The following OSBPL9 variants were observed in gnomAD, a reference collection of about 807,000 sequenced individuals.
OSBPL9 encodes oxysterol-binding protein-related protein 9.
Under a neutral mutation model 106.6 loss-of-function variants are expected in OSBPL9, and 40 were observed. The ratio of observed to expected loss-of-function variants is 0.38; its 90% CI spans 0.29 to 0.49. The LOEUF (loss-of-function observed/expected upper bound fraction) is 0.49. Ranked by LOEUF, OSBPL9 falls within the 20% of genes least tolerant of loss-of-function variation. OSBPL9 has a pLI of 0.97. For missense variants in OSBPL9, 609 were observed against 887.2 expected (o/e 0.69, Z 3.98); for synonymous variants, 269 against 295.4 (o/e 0.91, Z 0.92).
At chr1:51,651,331 G>A (rs920502505) in intron 1 of OSBPL9, among the ~76,000 whole-genome samples, 2 of 152,026 alleles carry the variant, frequency 1.3e-5, no homozygotes, top group South Asian at 2.1e-4. Flanking sequence ...AGCTGGGTGC[G>A]GTGACTCACG....
intron 3 of OSBPL9, among the ~76,000 whole-genome samples, chr1:51,693,467 A>C (rs1016624610): frequency 1.3e-5 from 2 of 152,122 alleles, no homozygotes; most frequent in Admixed American, 6.5e-5. Flanking sequence ...TGAGCGAGGG[A>C]AGGGAAAAAA....
chr1:51,525,885 T>G, the OSBPL9 span, among the ~76,000 whole-genome samples: 1 of 152,214 alleles, frequency 6.6e-6, no homozygotes, highest in South Asian at 2.1e-4. Context: ...TGATTTTTTT[T>G]GTTCTTTTTG....
chr1:51,595,469 C>T (rs987355475), intron 1 of OSBPL9, among the ~76,000 whole-genome samples: 1 of 152,088 alleles, frequency 6.6e-6, no homozygotes, highest in African/African-American at 2.4e-5. Flanking sequence ...CCTGAGGGGG[C>T]CCAGAAGAGG....
At chr1:51,636,078 G>GTA (rs953892202) in intron 1 of OSBPL9, among the ~76,000 whole-genome samples, 1 of 135,174 alleles carries the variant, frequency 7.4e-6, no homozygotes, top group South Asian at 2.3e-4. Context: ...CTGTATGTAT[G>GTA]TATATGTGTG....
intron 2 of OSBPL9, among the ~76,000 whole-genome samples, chr1:51,603,435 G>A (rs1266983569): frequency 1.3e-5 from 2 of 152,154 alleles, no homozygotes; most frequent in Non-Finnish European, 2.9e-5. Context: ...CTCTATTTAG[G>A]GAACTGGATG....
At chr1:51,704,934 C>G (rs1302512685) in intron 3 of OSBPL9, among the ~76,000 whole-genome samples, 2 of 152,110 alleles carry the variant, frequency 1.3e-5, no homozygotes, top group Non-Finnish European at 2.9e-5. Context: ...TTGCTACCTC[C>G]TTAATTCTTA....
the OSBPL9 span, among the ~76,000 whole-genome samples, chr1:51,532,639 C>T: frequency 6.6e-6 from 1 of 152,132 alleles, no homozygotes; most frequent in Admixed American, 6.5e-5. Context: ...TTTTCTTCAT[C>T]CACTTTCCCA....
the OSBPL9 span, among the ~76,000 whole-genome samples, chr1:51,521,932 T>TTC: frequency 6.6e-6 from 1 of 152,014 alleles, no homozygotes; most frequent in South Asian, 2.1e-4. Context: ...AATTTTTTTT[T>TTC]TTCTAGTAGA....
chr1:51,781,252 G>A lies in OSBPL9; in HGVS notation c.1345G>A (p.Val449Ile). Residue 449 changes from valine (V) to isoleucine (I), a missense_variant, in exon 16 of 24, where the codon GTT (valine) becomes ATT (isoleucine). Val to Ile is a conservative substitution (Grantham distance 29). Around this residue, in one of 5 missense-constraint regions of OSBPL9, gnomAD observed 356 missense variants for 505.8 expected, o/e 0.70. Coordinates refer to ENST00000428468, the MANE Select transcript of OSBPL9 (RefSeq NM_024586.6). ...SAFHAGRKGS[V>I]AKKPYNPILG... ...CTTTCATGCGGGAAGGAAAGGATCAGTTGCCAAAAAGCCATACAATCCCAT... is the reference window on the plus strand; with the variant it reads ...CTTTCATGCGGGAAGGAAAGGATCAATTGCCAAAAAGCCATACAATCCCAT... The A allele has an allele frequency of 6.2e-7, 1 of 1,614,120 alleles. No individual in the cohort carries two copies. The highest frequency in any genetic ancestry group is 8.5e-7 in the Non-Finnish European group (1 of 1,179,988).
chr1:51,639,540 A>G (rs1260367761), intron 1 of OSBPL9, among the ~76,000 whole-genome samples: 4 of 152,186 alleles, frequency 2.6e-5, no homozygotes, highest in Non-Finnish European at 4.4e-5. Flanking sequence ...GGGGACAAGG[A>G]TGAGTCAGAA....
In OSBPL9 at chr1:51,761,980, T is replaced by C. The variant is rs1473739004; in HGVS notation, c.778+9T>C. ...TACACCAAATAGTACAGGTACAGATTTGCATAATTTCTTTATGTCTCATAA... is the reference window on the plus strand; with the variant it reads ...TACACCAAATAGTACAGGTACAGATCTGCATAATTTCTTTATGTCTCATAA... On this transcript the variant is annotated intron_variant, in intron 11 of 23. Coordinates refer to ENST00000428468, the MANE Select transcript of OSBPL9 (RefSeq NM_024586.6). The C allele has an allele frequency of 1.3e-6, 2 of 1,568,374 alleles. No individual in the cohort carries two copies. The highest frequency in any genetic ancestry group is 2.7e-5 in the African/African-American group (2 of 73,960).
upstream of OSBPL9, chr1:51,616,768 A>C: frequency 4.5e-6 from 1 of 220,592 alleles, no homozygotes; most frequent in Non-Finnish European, 9.4e-6. Flanking sequence ...GAATGCATAA[A>C]TGAATATCAG....
chr1:51,737,940 G>T (rs1666069924), intron 4 of OSBPL9, among the ~76,000 whole-genome samples: 2 of 151,992 alleles, frequency 1.3e-5, no homozygotes, highest in African/African-American at 4.8e-5. Context: ...AGTGAAGGAG[G>T]CTGCTAATAA....
At chr1:51,738,903 T>G (rs989375143) in intron 4 of OSBPL9, among the ~76,000 whole-genome samples, 4 of 151,990 alleles carry the variant, frequency 2.6e-5, no homozygotes, top group African/African-American at 9.7e-5. Context: ...CTCCAAATTA[T>G]GAAGGGGAAG....
chr1:51,534,569 C>T, the OSBPL9 span, among the ~76,000 whole-genome samples: 1 of 152,090 alleles, frequency 6.6e-6, no homozygotes, highest in Non-Finnish European at 1.5e-5. Context: ...CATTCAGACC[C>T]GTTGAAGTGG....
intron 1 of OSBPL9, among the ~76,000 whole-genome samples, chr1:51,644,342 T>C (rs1646010297): frequency 6.6e-6 from 1 of 152,118 alleles, no homozygotes; most frequent in Admixed American, 6.5e-5. Flanking sequence ...TTGTTTTGTT[T>C]TTGAGACGGA....
chr1:51,555,734 A>AT, the OSBPL9 span, among the ~76,000 whole-genome samples: 56 of 150,230 alleles, frequency 3.7e-4, 1 homozygote, highest in African/African-American at 1.1e-3. Flanking sequence ...TGCCCGGCTA[A>AT]TTTTTTTTTG....
chr1:51,563,940 C>G, the OSBPL9 span, among the ~76,000 whole-genome samples: 1 of 149,348 alleles, frequency 6.7e-6, no homozygotes, highest in Admixed American at 6.8e-5. Flanking sequence ...AAAAATTAGG[C>G]AAGTGTGGTG....
chr1:51,736,464 G>A (rs1430983316), intron 4 of OSBPL9, among the ~76,000 whole-genome samples: 1 of 152,114 alleles, frequency 6.6e-6, no homozygotes, highest in African/African-American at 2.4e-5. Flanking sequence ...CACCTTGAGT[G>A]TTAATTTGTC....
Sources: gnomAD v4.1 joint callset for allele counts (sites outside exome capture counted in the v4.1 genomes callset) on GRCh38, gnomAD v4.1.1 for gene constraint, gnomAD v4.1.1 regional missense constraint, MANE v1.5 for transcripts, NCBI Gene and HGNC (gene_info 2026-07-23, HGNC 2026-07-21) for gene names.